The following MAP4K4 variants were observed in gnomAD, a reference collection of about 807,000 sequenced individuals.
MAP4K4 encodes the protein HPK/GCK-like kinase HGK.
Under a neutral mutation model 189.6 loss-of-function variants are expected in MAP4K4, and 38 were observed. That is an observed-to-expected ratio of 0.20 (90% CI 0.15 to 0.26). The LOEUF (loss-of-function observed/expected upper bound fraction) is 0.26. MAP4K4 is among the 10% of genes least tolerant of loss of function. The pLI, the probability that MAP4K4 is intolerant of heterozygous loss-of-function variation, is 1.00. For missense variants in MAP4K4, 1,054 were observed against 1,726.9 expected (o/e 0.61, Z 6.91); for synonymous variants, 610 against 624.3 (o/e 0.98, Z 0.34).
intron 3 of MAP4K4, among the ~76,000 whole-genome samples, chr2:101,815,182 C>T (rs555466186): frequency 2.0e-5 from 3 of 152,100 alleles, no homozygotes; most frequent in East Asian, 1.9e-4. Context: ...TTTTCGTATG[C>T]GTGACTTAAT....
intron 2 of MAP4K4, among the ~76,000 whole-genome samples, chr2:101,745,835 G>T (rs1238624567): frequency 1.3e-5 from 2 of 150,852 alleles, no homozygotes; most frequent in African/African-American, 4.9e-5. Flanking sequence ...AAAGTTTGTT[G>T]CCTACTTTTT....
chr2:101,807,930 C>G lies in MAP4K4; in HGVS notation c.181-15998C>G, dbSNP rs151315861. On this transcript the variant is annotated intron_variant, in intron 3 of 32. Transcript: ENST00000324219. ...TGCTAAACCATCCGTGAGAAACCCA[C>G]CTCATGATCTAGTTACCTCCAGGCC... Among the ~76,000 whole-genome samples, 844 of 152,334 alleles carry G rather than the reference C, an allele frequency of 5.5e-3. 7 individuals carry two copies. Among genetic ancestry groups the G allele is most frequent in the African/African-American group, 0.019 (793 of 41,566 alleles).
chr2:101,819,966 A>C (rs750165501), intron 3 of MAP4K4, among the ~76,000 whole-genome samples: 1 of 152,218 alleles, frequency 6.6e-6, no homozygotes, highest in Non-Finnish European at 1.5e-5. Context: ...CAATGTGCCA[A>C]TTCGGGAGTT....
In MAP4K4 at chr2:101,740,155, T is replaced by A. The variant is rs201150776; in HGVS notation, c.123+41617T>A. 5.2e-4 allele frequency among the ~76,000 whole-genome samples: 50 copies of A among 95,322 alleles called. 1 individual carries two copies. Among genetic ancestry groups the A allele is most frequent in the African/African-American group, 4.6e-3 (26 of 5,648 alleles). 62.5% of individuals were successfully genotyped at this position (95,322 alleles called of 152,430 possible). On this transcript the variant is annotated intron_variant, in intron 2 of 32. Coordinates refer to ENST00000324219, the Ensembl canonical transcript of MAP4K4. ...TTCAAAGTTGCTTTATATCATCTTT[T>A]TTTTTTTTTTTTTTTTGAGACGGAG...
At chr2:101,863,310 CGTGGG>C (rs2097718905) in intron 16 of MAP4K4, among the ~76,000 whole-genome samples, 1 of 152,076 alleles carries the variant, frequency 6.6e-6, no homozygotes, top group Non-Finnish European at 1.5e-5. Context: ...AGTCTCAAAA[CGTGGG>C]GTTTGTCTTT....
chr2:101,749,737 G>A (rs1435914664), intron 2 of MAP4K4, among the ~76,000 whole-genome samples: 9 of 146,438 alleles, frequency 6.1e-5, no homozygotes, highest in African/African-American at 2.3e-4. Context: ...TACAAAATGG[G>A]AGAAAATTTT....
chr2:101,733,815 G>A (rs544385986), intron 2 of MAP4K4, among the ~76,000 whole-genome samples: 2 of 152,154 alleles, frequency 1.3e-5, no homozygotes, highest in Non-Finnish European at 2.9e-5. Context: ...GTCAGGTCCC[G>A]TTACAGGAAG....
intron 6 of MAP4K4, chr2:101,829,859 A>G (rs191294735): frequency 4.2e-4 from 132 of 316,326 alleles, no homozygotes; most frequent in African/African-American, 2.7e-3. Context: ...TGCTTAAAGA[A>G]CCTTAATGGC....
At chr2:101,866,538 C>G in exon 19 of MAP4K4, 1 of 1,613,714 alleles carries the variant, frequency 6.2e-7, no homozygotes. Context: ...GGGTCTCACC[C>G]TGGGTCTCAG....
chr2:101,891,067 C>T lies in MAP4K4; in HGVS notation c.4072-99C>T, dbSNP rs1034749231. On this transcript the variant is annotated intron_variant, in intron 32 of 32. Transcript: ENST00000324219. ...AGGCTCTTTGGGAGTCTAAGCTTCT[C>T]GTACTTGACAGTGTTGAGGATGATG... 47 of 918,998 alleles carry T rather than the reference C, an allele frequency of 5.1e-5. No individual in the cohort carries two copies. In the African/African-American group the frequency reaches 5.7e-4, roughly 11 times the overall value. 56.9% of individuals were successfully genotyped at this position (918,998 alleles called of 1,614,324 possible).
chr2:101,761,062 A>G lies in MAP4K4; in HGVS notation c.124-29658A>G, dbSNP rs552912390. On this transcript the variant is annotated intron_variant, in intron 2 of 32. Transcript: ENST00000324219. ...GTTGGCAATTTAGATAAAAAAGACT[A>G]GATTGAATCCAAAGAACCAACTTAA... 2.6e-3 allele frequency among the ~76,000 whole-genome samples: 402 copies of G among 152,334 alleles called. 2 individuals are homozygous for G. The highest frequency in any genetic ancestry group is 4.1e-3 in the Admixed American group (63 of 15,310).
intron 2 of MAP4K4, among the ~76,000 whole-genome samples, chr2:101,777,042 T>G (rs1207347390): frequency 6.6e-6 from 1 of 152,142 alleles, no homozygotes; most frequent in Non-Finnish European, 1.5e-5. Context: ...GCCTTAGACT[T>G]TAACAATGAG....
chr2:101,801,352 G>T (rs2094353857), intron 3 of MAP4K4, among the ~76,000 whole-genome samples: 2 of 152,178 alleles, frequency 1.3e-5, no homozygotes, highest in Admixed American at 6.5e-5. Flanking sequence ...GTAGAAGGAA[G>T]TCTGAAGGGA....
At chr2:101,775,230 C>T (rs1197279111) in intron 2 of MAP4K4, among the ~76,000 whole-genome samples, 3 of 151,780 alleles carry the variant, frequency 2.0e-5, no homozygotes, top group African/African-American at 7.3e-5. Context: ...CCTATATCCA[C>T]AAAGAACAAC....
In MAP4K4 at chr2:101,866,564, C is replaced by T. The variant is rs369479508; in HGVS notation, c.2341C>T (p.Arg781Cys). 5.9e-5 allele frequency: 95 copies of T among 1,613,134 alleles called. No individual in the cohort carries two copies. Among genetic ancestry groups the T allele is most frequent in the East Asian group, 2.7e-4 (12 of 44,844 alleles). ...TGGGTCTCAGAGTGGCTCCGGGGAA[C>T]GCTTCAGAGTGAGATGTAAGCTGCC... is the stretch of plus-strand genomic sequence containing the variant. The change falls in exon 19 of 33, where the codon CGC becomes TGC. Residue 781 changes from arginine (R) to cysteine (C), a missense_variant. Transcript: ENST00000324219.
chr2:101,765,514 G>C (rs1301006061), intron 2 of MAP4K4, among the ~76,000 whole-genome samples: 1 of 151,934 alleles, frequency 6.6e-6, no homozygotes, highest in East Asian at 1.9e-4. Context: ...TTGTAGAGAT[G>C]GGGTTTCATG....
At chr2:101,789,246 A>G (rs1299650594) in intron 2 of MAP4K4, among the ~76,000 whole-genome samples, 1 of 152,224 alleles carries the variant, frequency 6.6e-6, no homozygotes, top group African/African-American at 2.4e-5. Context: ...TTAATACTAT[A>G]TCCTCTGAAA....
At chr2:101,751,326 CCTTTTA>C (rs1201341706) in intron 2 of MAP4K4, among the ~76,000 whole-genome samples, 1 of 152,140 alleles carries the variant, frequency 6.6e-6, no homozygotes, top group Non-Finnish European at 1.5e-5. Context: ...TTTCTCCTCC[CCTTTTA>C]CTTTTATACA....
intron 21 of MAP4K4, among the ~76,000 whole-genome samples, chr2:101,869,078 TTAA>T (rs546162383): frequency 6.6e-6 from 1 of 152,082 alleles, no homozygotes; most frequent in East Asian, 1.9e-4. Context: ...TAGTAAAATA[TTAA>T]TATTTATTAC....
Sources: gnomAD v4.1 joint callset for allele counts (sites outside exome capture counted in the v4.1 genomes callset) on GRCh38, gnomAD v4.1.1 for gene constraint, MANE v1.5 for transcripts, NCBI Gene and HGNC (gene_info 2026-07-23, HGNC 2026-07-21) for gene names.